Variants in HADHB observed in about 807,000 individuals in gnomAD.
HADHB encodes the protein trifunctional enzyme subunit beta, mitochondrial.
Under a neutral mutation model 61.9 loss-of-function variants are expected in HADHB, and 50 were observed. The observed-to-expected ratio is 0.81, with a 90% CI of 0.64 to 1.02. The LOEUF (loss-of-function observed/expected upper bound fraction) is 1.02, where lower values mean the gene tolerates loss of function less well. Among genes scored for constraint, HADHB ranks in the 50% least tolerant of loss-of-function variants. The pLI, the probability that HADHB is intolerant of heterozygous loss-of-function variation, is 0.00. For synonymous variants in HADHB, 191 were observed against 201.6 expected (o/e 0.95, Z 0.45); for missense variants, 504 against 586.5 (o/e 0.86, Z 1.45).
intron 6 of HADHB, among the ~76,000 whole-genome samples, chr2:26,274,638 A>G (rs1376085341): frequency 4.5e-4 from 68 of 152,176 alleles, no homozygotes; most frequent in Admixed American, 4.4e-3. Context: ...AAGAGATTTT[A>G]TTTCCCTTCT....
chr2:26,272,997 C>T (rs956282080), intron 5 of HADHB, among the ~76,000 whole-genome samples: 1 of 151,778 alleles, frequency 6.6e-6, no homozygotes, highest in Admixed American at 6.6e-5. Context: ...GTGAGAGAAC[C>T]ACTTAAACCC....
At chr2:26,258,749 C>T (rs1032128135) in intron 3 of HADHB, among the ~76,000 whole-genome samples, 15 of 152,214 alleles carry the variant, frequency 9.9e-5, no homozygotes, top group African/African-American at 3.6e-4. Context: ...GGTTGCCCCT[C>T]CTTGCTCAAA....
In HADHB at chr2:26,273,702, C is replaced by T; in HGVS notation, c.306C>T (p.Ile102=). Residue 102 remains isoleucine, a synonymous_variant, in exon 6 of 16, where the codon ATC becomes ATT. Transcript: ENST00000317799. ...CTAAGGAAGTAGTTGATTATATCAT[C>T]TTTGGTACAGTTATTCAGGAAGTGA... The part of the protein sequence containing the change: ...SVPKEVVDYI[I]FGTVIQEVKT... 6.2e-7 allele frequency: 1 copy of T among 1,609,646 alleles called. No homozygotes were observed. The highest frequency in any genetic ancestry group is 8.5e-7 in the Non-Finnish European group (1 of 1,176,094).
chr2:26,263,631 A>T, intron 4 of HADHB, 152 bp downstream of exon 4: 1 of 691,628 alleles, frequency 1.4e-6, no homozygotes, highest in Non-Finnish European at 2.7e-6. Flanking sequence ...AAGTCAAGAC[A>T]GTGGTGAAAT....
chr2:26,266,103 A>G (rs1202293449), intron 4 of HADHB, among the ~76,000 whole-genome samples: 2 of 151,892 alleles, frequency 1.3e-5, no homozygotes, highest in African/African-American at 4.8e-5. Context: ...AAGAAAAAAA[A>G]AAAGGTGTTT....
intron 4 of HADHB, among the ~76,000 whole-genome samples, chr2:26,268,214 C>T (rs980095353): frequency 8.5e-5 from 13 of 152,132 alleles, no homozygotes; most frequent in Non-Finnish European, 1.6e-4. Context: ...GCGAGATCTA[C>T]AAATGAATGC....
At position 26,266,748 on chromosome 2, in the gene HADHB, C is replaced by T. The variant is rs187502295; in HGVS notation, c.210-3205C>T. On this transcript the variant is annotated intron_variant, in intron 4 of 15. Transcript: ENST00000317799. ...TACAAAAATTAGCCAGGCATGGTGG[C>T]GTGCACCTGTAATCCCAGCTACTTG... 9.9e-5 allele frequency among the ~76,000 whole-genome samples: 15 copies of T among 151,322 alleles called. No homozygotes were observed. In the East Asian group the frequency reaches 2.5e-3, roughly 25 times the overall value.
intron 3 of HADHB, among the ~76,000 whole-genome samples, chr2:26,256,532 T>C (rs1476377318): frequency 2.1e-5 from 2 of 96,618 alleles, no homozygotes; most frequent in African/African-American, 6.3e-5. Flanking sequence ...TCTGTGTATA[T>C]ATATATATAT....
rs149276773 is a variant in HADHB at position 26,286,612 on chromosome 2, C to T, written c.1389+1041C>T. 9.0e-3 allele frequency among the ~76,000 whole-genome samples: 1,364 copies of T among 152,096 alleles called. 23 individuals are homozygous for T. Among genetic ancestry groups the T allele is most frequent in the African/African-American group, 0.031 (1,300 of 41,522 alleles). ...CTGCCTCGCGAGTTCAAGCGATTCT[C>T]CTGTCTCAGCCTCCTGAGTAGCTGG... On this transcript the variant is annotated intron_variant, in intron 15 of 15. Coordinates refer to ENST00000317799, the MANE Select transcript of HADHB (RefSeq NM_000183.3).
intron 1 of HADHB, among the ~76,000 whole-genome samples, chr2:26,249,031 T>TGG (rs891734702): frequency 6.6e-6 from 1 of 151,656 alleles, no homozygotes; most frequent in African/African-American, 2.4e-5. Flanking sequence ...CACTCCAACC[T>TGG]GGGGGACAAG....
At chr2:26,257,607 C>T (rs1420081051) in intron 3 of HADHB, among the ~76,000 whole-genome samples, 10 of 152,106 alleles carry the variant, frequency 6.6e-5, no homozygotes, top group South Asian at 2.1e-4. Flanking sequence ...GGTTCCTCTT[C>T]GCTTCTCTTT....
intron 1 of HADHB, 53 bp from the exon 2 acceptor site, chr2:26,254,194 A>G: frequency 1.2e-6 from 1 of 854,316 alleles, no homozygotes; most frequent in Admixed American, 1.7e-5. Context: ...CTACAATGTA[A>G]ACTACAAATT....
At chr2:26,276,949 T>C (rs1240401726) in intron 6 of HADHB, 124 bp from the exon 7 acceptor site, 5 of 683,166 alleles carry the variant, frequency 7.3e-6, no homozygotes, top group Non-Finnish European at 1.4e-5. Context: ...TGATTTTAAA[T>C]ATTGCTCTGG....
chr2:26,264,278 G>A (rs1350568253), intron 4 of HADHB, among the ~76,000 whole-genome samples: 1 of 152,178 alleles, frequency 6.6e-6, no homozygotes, highest in Non-Finnish European at 1.5e-5. Flanking sequence ...GCTGGGTGCA[G>A]TGGCTCACAC....
intron 10 of HADHB, among the ~76,000 whole-genome samples, chr2:26,280,920 G>A (rs1466005443): frequency 6.7e-6 from 1 of 148,182 alleles, no homozygotes; most frequent in Non-Finnish European, 1.5e-5. Flanking sequence ...GCAAAATCAA[G>A]GAAGTATGAG....
At chr2:26,255,691 A>G (rs1207872412) in intron 3 of HADHB, among the ~76,000 whole-genome samples, 1 of 152,188 alleles carries the variant, frequency 6.6e-6, no homozygotes, top group African/African-American at 2.4e-5. Flanking sequence ...AGCCTCATAT[A>G]GTTATGAGAT....
At position 26,279,254 on chromosome 2, in the gene HADHB, T is replaced by G. The variant is rs748760559; in HGVS notation, c.750T>G (p.Ser250Arg). The change falls in exon 9 of 16, where the codon AGT (serine) becomes AGG (arginine). Residue 250 changes from serine to arginine, a missense_variant. Ser to Arg is a moderately radical substitution (Grantham distance 110). Coordinates refer to ENST00000317799, the MANE Select transcript of HADHB (RefSeq NM_000183.3). ...EQDEYALRSH[S>R]LAKKAQDEGL... Reference sequence around the variant, plus strand: ...ATGAATATGCACTGCGCTCTCACAGTCTAGCCAAGAAGGCACAGGATGAAG... The same window carrying G: ...ATGAATATGCACTGCGCTCTCACAGGCTAGCCAAGAAGGCACAGGATGAAG... 49 of 1,613,568 alleles carry G rather than the reference T, an allele frequency of 3.0e-5. 1 individual carries two copies. In the South Asian group the frequency reaches 5.4e-4, roughly 18 times the overall value.
At chr2:26,283,983 T>A (rs1040430876) in intron 12 of HADHB, 134 bp from the exon 13 acceptor site, 35 of 656,726 alleles carry the variant, frequency 5.3e-5, no homozygotes, top group Middle Eastern at 8.1e-4. Flanking sequence ...AACATTTCAT[T>A]AATCAGTACA....
chr2:26,280,651 G>A (rs947633896), intron 10 of HADHB, among the ~76,000 whole-genome samples: 6 of 152,004 alleles, frequency 3.9e-5, no homozygotes, highest in Non-Finnish European at 8.8e-5. Context: ...TCAGGAGTTC[G>A]AGACCAGCCT....
Sources: allele counts gnomAD v4.1 joint callset (sites outside exome capture counted in the v4.1 genomes callset), GRCh38; gene constraint gnomAD v4.1.1; transcripts MANE v1.5; gene names NCBI Gene and HGNC (gene_info 2026-07-23, HGNC 2026-07-21).